The following SLC52A2 variants were observed in gnomAD, a reference collection of about 807,000 sequenced individuals.
SLC52A2 encodes solute carrier family 52, riboflavin transporter, member 2.
In SLC52A2, 16 loss-of-function variants were observed where a neutral mutation model predicts 24.8. That is an observed-to-expected ratio of 0.64 (90% CI 0.44 to 0.98). SLC52A2 has a LOEUF of 0.98. Ranked by LOEUF, SLC52A2 falls within the 50% of genes least tolerant of loss-of-function variation. The pLI is 0.00. For missense variants in SLC52A2, 612 were observed against 575.9 expected, an observed-to-expected ratio of 1.06 and a Z score of -0.64; for synonymous variants, 335 against 276.3, an observed-to-expected ratio of 1.21 and a Z score of -2.11.
Position 144,358,664 on chromosome 8 carries a change from G to T in SLC52A2, c.-512G>T. ...CCTGCGCGCTCCGGACTGAGGTGGC[G>T]TCCCTGGGCCGGACGGCGGTGTCCC... On this transcript the variant is annotated 5_prime_UTR_variant, in exon 1 of 5. Coordinates refer to ENST00000643944, the MANE Select transcript of SLC52A2 (RefSeq NM_001363118.2). 1 of 483,464 alleles carries T rather than the reference G, an allele frequency of 2.1e-6. No individual in the cohort carries two copies. The allele number at this position is 483,464 out of a possible 1,614,324, so 29.9% of individuals were successfully genotyped here.
Position 144,359,611 on chromosome 8 carries a change from C to G in SLC52A2, c.131-12C>G, listed in dbSNP as rs772839526. On this transcript the variant is annotated splice_polypyrimidine_tract_variant and intron_variant, in intron 2 of 4. Transcript: ENST00000643944. ...ATCATGACCCTGACATGGCCTCCTC[C>G]CTTCCCTGCAGGTTGGAGCCTCCCC... is the stretch of plus-strand genomic sequence containing the variant. 3 of 1,609,620 alleles carry G rather than the reference C, an allele frequency of 1.9e-6. No homozygotes were observed. Among genetic ancestry groups the G allele is most frequent in the South Asian group, 2.2e-5 (2 of 90,754 alleles).
Position 144,359,771 on chromosome 8 carries a change from C to G in SLC52A2, c.279C>G (p.Ala93=). 1 of 1,613,596 alleles carries G rather than the reference C, an allele frequency of 6.2e-7. No individual in the cohort carries two copies. Among genetic ancestry groups the G allele is most frequent in the South Asian group, 1.1e-5 (1 of 91,084 alleles). ...AGGTGCTGGGCATGGTGGGCACAGC[C>G]CTGCTGGCCTCTCTGTGGCACCATG... ...VVQVLGMVGT[A]LLASLWHHVA... is the part of the protein sequence containing the mutation. Residue 93 remains alanine, a synonymous_variant, in exon 3 of 5, where the codon GCC becomes GCG. Coordinates refer to ENST00000643944, the MANE Select transcript of SLC52A2 (RefSeq NM_001363118.2).
Position 144,360,879 on chromosome 8 carries a change from G to T in SLC52A2, c.1202G>T (p.Gly401Val), listed in dbSNP as rs1818841843. Residue 401 changes from glycine to valine, a missense_variant, in exon 5 of 5, where the codon GGC (glycine) becomes GTC (valine). Gly to Val is a moderately radical substitution (Grantham distance 109, BLOSUM62 -3). Coordinates refer to ENST00000643944, the MANE Select transcript of SLC52A2 (RefSeq NM_001363118.2). ...VAASSLLHGG[G>V]RPALLAAGVA... Reference sequence around the variant, plus strand: ...GCCAGCTCCCTGCTGCATGGCGGGGGCCGGCCGGCATTGCTGGCAGCCGGC... The same window carrying T: ...GCCAGCTCCCTGCTGCATGGCGGGGTCCGGCCGGCATTGCTGGCAGCCGGC... 1 of 1,612,894 alleles carries T rather than the reference G, an allele frequency of 6.2e-7. No individual in the cohort carries two copies. Among genetic ancestry groups the T allele is most frequent in the Non-Finnish European group, 8.5e-7 (1 of 1,179,906 alleles).
In SLC52A2 at chr8:144,359,814, C is replaced by G; in HGVS notation, c.322C>G (p.Gln108Glu). The G allele has an allele frequency of 6.2e-7, 1 of 1,613,650 alleles. No individual in the cohort carries two copies. Among genetic ancestry groups the G allele is most frequent in the Non-Finnish European group, 8.5e-7 (1 of 1,180,022 alleles). Residue 108 changes from glutamine (Q) to glutamate (E), a missense_variant, in exon 3 of 5, where the codon CAG (glutamine) becomes GAG (glutamate). Transcript: ENST00000643944. Reference sequence around the variant, plus strand: ...GCACCATGTGGCCCCAGTGGCAGGACAGTTGCATTCTGTGGCCTTCTTAGC... The same window carrying G: ...GCACCATGTGGCCCCAGTGGCAGGAGAGTTGCATTCTGTGGCCTTCTTAGC... ...LWHHVAPVAGQLHSVAFLALA... is the reference protein window; with the variant it reads ...LWHHVAPVAGELHSVAFLALA...
rs551670368 is a variant in SLC52A2 at position 144,360,520 on chromosome 8, C to T, written c.1001+27C>T. The T allele has an allele frequency of 1.3e-5, 21 of 1,584,952 alleles. No individual in the cohort carries two copies. In the East Asian group the frequency reaches 1.8e-4, roughly 14 times the overall value. On this transcript the variant is annotated intron_variant, in intron 3 of 4. Transcript: ENST00000643944. Reference sequence around the variant, plus strand: ...TACACAAGGACCCCCAGCCCCTGTGCGGGTGGAACTCAGGGCTAGGAGCCA... The same window carrying T: ...TACACAAGGACCCCCAGCCCCTGTGTGGGTGGAACTCAGGGCTAGGAGCCA...
Position 144,359,084 on chromosome 8 carries a change from T to G in SLC52A2, c.-111+19T>G. On this transcript the variant is annotated intron_variant, in intron 1 of 4. Transcript: ENST00000643944. Reference sequence around the variant, plus strand: ...CCGCTGGGTACGTTTTAGCCAATCCTCCCCATCTGCGCTCCTGCCCGGGGC... The same window carrying G: ...CCGCTGGGTACGTTTTAGCCAATCCGCCCCATCTGCGCTCCTGCCCGGGGC... 1.4e-6 allele frequency: 1 copy of G among 689,806 alleles called. No individual in the cohort carries two copies. The highest frequency in any genetic ancestry group is 2.6e-5 in the South Asian group (1 of 39,054). The allele number at this position is 689,806 out of a possible 1,614,324, so 42.7% of individuals were successfully genotyped here.
chr8:144,359,283 C>G lies in SLC52A2; in HGVS notation c.-11C>G. ...TTTGCCCTGACCTGGAAGGGCCCAG[C>G]CTTGGGCTGAATGGCAGCACCCACG... is the stretch of plus-strand genomic sequence containing the variant. On this transcript the variant is annotated 5_prime_UTR_variant, in exon 2 of 5. Transcript: ENST00000643944. 6.2e-7 allele frequency: 1 copy of G among 1,608,580 alleles called. No individual in the cohort carries two copies. The highest frequency in any genetic ancestry group is 8.5e-7 in the Non-Finnish European group (1 of 1,177,106).
In SLC52A2 at chr8:144,359,304, C is replaced by G. The variant is rs1554853726; in HGVS notation, c.11C>G (p.Pro4Arg). ...CCAGCCTTGGGCTGAATGGCAGCAC[C>G]CACGCCCGCCCGTCCGGTGCTGACC... MAA[P>R]TPARPVLTHL... Residue 4 changes from proline (P) to arginine (R), a missense_variant, in exon 2 of 5, where the codon CCC (proline) becomes CGC (arginine). Coordinates refer to ENST00000643944, the MANE Select transcript of SLC52A2 (RefSeq NM_001363118.2). 1 of 1,612,446 alleles carries G rather than the reference C, an allele frequency of 6.2e-7. No homozygotes were observed. Among genetic ancestry groups the G allele is most frequent in the Non-Finnish European group, 8.5e-7 (1 of 1,179,232 alleles).
rs892098486 is a variant in SLC52A2 at position 144,358,682 on chromosome 8, G to T, written c.-494G>T. The T allele has an allele frequency of 2.3e-6, 1 of 427,926 alleles. No individual in the cohort carries two copies. Among genetic ancestry groups the T allele is most frequent in the Non-Finnish European group, 3.8e-6 (1 of 261,314 alleles). 26.5% of individuals were successfully genotyped at this position (427,926 alleles called of 1,614,324 possible). ...AGGTGGCGTCCCTGGGCCGGACGGC[G>T]GTGTCCCGGCGTGGCGGGAAGCCGG... On this transcript the variant is annotated 5_prime_UTR_variant, in exon 1 of 5. Transcript: ENST00000643944.
chr8:144,359,099 C>T, intron 1 of SLC52A2, 34 bp downstream of exon 1: 3 of 813,816 alleles, frequency 3.7e-6, no homozygotes, highest in Non-Finnish European at 3.6e-6. Flanking sequence ...ATCTGCGCTC[C>T]TGCCCGGGGC....
chr8:144,358,717 G>T lies in SLC52A2; in HGVS notation c.-459G>T. 2.9e-6 allele frequency: 1 copy of T among 348,504 alleles called. No individual in the cohort carries two copies. Among genetic ancestry groups the T allele is most frequent in the Non-Finnish European group, 5.1e-6 (1 of 197,442 alleles). 21.6% of individuals were successfully genotyped at this position (348,504 alleles called of 1,614,324 possible). ...CGTGGCGGGAAGCCGGCACTGGAGC[G>T]GGAGCGCACTGGGCGCGGGACCGGG... On this transcript the variant is annotated 5_prime_UTR_variant, in exon 1 of 5. Transcript: ENST00000643944.
Position 144,358,671 on chromosome 8 carries a change from G to T in SLC52A2, c.-505G>T. 2.2e-6 allele frequency: 1 copy of T among 455,664 alleles called. No individual in the cohort carries two copies. Among genetic ancestry groups the T allele is most frequent in the Non-Finnish European group, 3.5e-6 (1 of 285,348 alleles). The allele number at this position is 455,664 out of a possible 1,614,324, so 28.2% of individuals were successfully genotyped here. The stretch of plus-strand genomic sequence containing the variant: ...GCTCCGGACTGAGGTGGCGTCCCTG[G>T]GCCGGACGGCGGTGTCCCGGCGTGG... On this transcript the variant is annotated 5_prime_UTR_variant, in exon 1 of 5. Coordinates refer to ENST00000643944, the MANE Select transcript of SLC52A2 (RefSeq NM_001363118.2).
chr8:144,360,599 A>G lies in SLC52A2; in HGVS notation c.1011A>G (p.Ala337=), dbSNP rs782173320. 4 of 1,600,878 alleles carry G rather than the reference A, an allele frequency of 2.5e-6. No homozygotes were observed. Among genetic ancestry groups the G allele is most frequent in the East Asian group, 2.2e-5 (1 of 44,852 alleles). Residue 337 remains alanine (A), a synonymous_variant, in exon 4 of 5, where the codon GCA becomes GCG. Transcript: ENST00000643944. The part of the protein sequence containing the change: ...LAMGVLCRSL[A]GLGGLSLLGV... ...TGCTCGCTCACTGCAGGTCCTTGGC[A>G]GGGCTGGGCGGCCTCTCTCTGCTGG... is the stretch of plus-strand genomic sequence containing the variant.
rs2130642900 is a variant in SLC52A2 at position 144,360,088 on chromosome 8, C to T, written c.596C>T (p.Ala199Val). 2.5e-6 allele frequency: 4 copies of T among 1,613,020 alleles called. No individual in the cohort carries two copies. Among genetic ancestry groups the T allele is most frequent in the Non-Finnish European group, 3.4e-6 (4 of 1,180,026 alleles). The part of the protein sequence containing the change: ...ERFPASTFFW[A>V]LTALLVASAA... ...TTTCCCGCCAGCACCTTCTTCTGGG[C>T]ACTGACTGCCCTTCTGGTCGCTTCA... The change falls in exon 3 of 5, where the codon GCA becomes GTA. Residue 199 changes from alanine (A) to valine (V), a missense_variant. Ala to Val is a moderately conservative substitution (Grantham distance 64). Coordinates refer to ENST00000643944, the MANE Select transcript of SLC52A2 (RefSeq NM_001363118.2).
In SLC52A2 at chr8:144,360,098, C is replaced by T. The variant is rs187632310; in HGVS notation, c.606C>T (p.Ala202=). ...GCACCTTCTTCTGGGCACTGACTGC[C>T]CTTCTGGTCGCTTCAGCTGCTGCCT... The part of the protein sequence containing the change: ...PASTFFWALT[A]LLVASAAAFQ... The change falls in exon 3 of 5, where the codon GCC becomes GCT. Residue 202 remains alanine (A), a synonymous_variant. Transcript: ENST00000643944. 4.3e-5 allele frequency: 70 copies of T among 1,612,988 alleles called. 1 individual carries two copies. The East Asian group carries it at 9.1e-4, about 21-fold the overall frequency.
chr8:144,360,256 G>C lies in SLC52A2; in HGVS notation c.764G>C (p.Ser255Thr). 6.2e-7 allele frequency: 1 copy of C among 1,612,464 alleles called. No individual in the cohort carries two copies. Among genetic ancestry groups the C allele is most frequent in the Non-Finnish European group, 8.5e-7 (1 of 1,180,014 alleles). ...TCCTCACCACTGCAAGAGCCACCAA[G>C]CCAGGCAGCAGGCACCACCCCTGGT... ...EESSPLQEPPSQAAGTTPGPD... is the reference protein window; with the variant it reads ...EESSPLQEPPTQAAGTTPGPD... Residue 255 changes from serine (S) to threonine (T), a missense_variant, in exon 3 of 5, where the codon AGC becomes ACC. Physicochemically the swap from Ser to Thr is moderately conservative, Grantham distance 58. Transcript: ENST00000643944.
In SLC52A2 at chr8:144,360,069, G is replaced by A. The variant is rs781928955; in HGVS notation, c.577G>A (p.Ala193Thr). ...GCTCGACTTCCTTGAGCGTTTTCCC[G>A]CCAGCACCTTCTTCTGGGCACTGAC... The part of the protein sequence containing the change: ...PPLDFLERFP[A>T]STFFWALTAL... The change falls in exon 3 of 5, where the codon GCC becomes ACC. Residue 193 changes from alanine (A) to threonine (T), a missense_variant. Transcript: ENST00000643944. 20 of 1,612,788 alleles carry A rather than the reference G, an allele frequency of 1.2e-5. No individual in the cohort carries two copies. The highest frequency in any genetic ancestry group is 1.6e-4 in the Middle Eastern group (1 of 6,084).
At chr8:144,358,606 C>T (rs952075170), upstream of SLC52A2, 7 of 932,270 alleles carry the variant, frequency 7.5e-6, no homozygotes, top group Non-Finnish European at 8.4e-6. Flanking sequence ...CCGGAACCGC[C>T]ACGGGTGAGT....
intron 1 of SLC52A2, 33 bp from the exon 2 acceptor site, chr8:144,359,151 C>T (rs1189413897): frequency 1.5e-6 from 2 of 1,326,714 alleles, no homozygotes; most frequent in African/African-American, 1.5e-5. Context: ...GACTCCGGCT[C>T]TGCATCCTAT....
Sources: allele counts gnomAD v4.1 joint callset, GRCh38; gene constraint gnomAD v4.1.1; transcripts MANE v1.5; gene names NCBI Gene and HGNC (gene_info 2026-07-23, HGNC 2026-07-21).